CLTRN: variants seen among roughly 807,000 people sequenced by gnomAD.
The protein encoded by CLTRN is collectrin, amino acid transport regulator.
CLTRN carries 12 observed loss-of-function variants against 14.5 expected under a neutral mutation model. The ratio of observed to expected loss-of-function variants is 0.83; its 90% confidence interval spans 0.53 to 1.34. CLTRN has a LOEUF of 1.34. CLTRN is among the 40% of genes most tolerant of loss of function. CLTRN has a pLI of 0.00. For synonymous variants in CLTRN, 58 were observed against 56.5 expected (o/e 1.03, Z -0.12); for missense variants, 154 against 165.1 (o/e 0.93, Z 0.37).
At chrX:15,666,138 C>A (rs781464935), upstream of CLTRN, among the ~76,000 whole-genome samples, 1 of 111,759 alleles carries the variant, frequency 8.9e-6, no homozygotes, top group Non-Finnish European at 1.9e-5. Flanking sequence ...GAATACTATG[C>A]TTATTATCTG....
At chrX:15,653,031 A>C in intron 3 of CLTRN, among the ~76,000 whole-genome samples, 1 of 111,896 alleles carries the variant, frequency 8.9e-6, no homozygotes, top group South Asian at 3.8e-4. Flanking sequence ...CAGTGAGCCA[A>C]GATGGCGCCA....
At position 15,662,004 on chromosome X, in the gene CLTRN, C is replaced by T. The variant is rs765200433; in HGVS notation, c.117+2333G>A. On this transcript the variant is annotated intron_variant, in intron 2 of 5. Transcript: ENST00000380342. The stretch of plus-strand genomic sequence containing the variant: ...CTAACCCCACATTTTAGGTAAGTAA[C>T]TGGTATAACTAGAGACAATTACAGA... Among the ~76,000 whole-genome samples the T allele has an allele frequency of 3.6e-5, 4 of 111,477 alleles. No individual in the cohort carries two copies. The East Asian group carries it at 1.1e-3, about 31-fold the overall frequency.
intron 2 of CLTRN, among the ~76,000 whole-genome samples, chrX:15,663,975 C>A (rs751046830): frequency 1.8e-5 from 2 of 111,786 alleles, no homozygotes; most frequent in South Asian, 7.4e-4. Flanking sequence ...GGTAGAAAAT[C>A]GAGGCTAACA....
chrX:15,647,533 G>T (rs113773358), intron 3 of CLTRN, among the ~76,000 whole-genome samples: 22,074 of 69,292 alleles, frequency 0.32, 2,620 homozygotes, highest in African/African-American at 0.6. Context: ...TTCTTGGTGG[G>T]GGGGGGAGGG....
intron 3 of CLTRN, among the ~76,000 whole-genome samples, chrX:15,653,849 C>T (rs1929285641): frequency 8.9e-6 from 1 of 112,655 alleles, no homozygotes; most frequent in Non-Finnish European, 1.9e-5. Flanking sequence ...TCAGAGCAGC[C>T]AGTGGGCTGG....
chrX:15,656,409 C>G (rs937150270), intron 3 of CLTRN, among the ~76,000 whole-genome samples: 1 of 111,285 alleles, frequency 9.0e-6, no homozygotes, highest in Non-Finnish European at 1.9e-5. Flanking sequence ...ATTTTTAATT[C>G]ACGTGATTTG....
At chrX:15,641,636 C>CTGTG (rs56407617) in intron 4 of CLTRN, among the ~76,000 whole-genome samples, 8,726 of 88,356 alleles carry the variant, frequency 0.099, 630 homozygotes, top group African/African-American at 0.23. Flanking sequence ...CCACACCTGG[C>CTGTG]TGTGTGTGTG....
At position 15,672,621 on chromosome X, in the gene CLTRN, C is replaced by T. The variant is rs141685637; in HGVS notation, c.-506+2368G>A. On this transcript the variant is annotated intron_variant, in intron 1 of 6. Transcript: ENST00000650271. ...TCTCAGAATTTCTGATCCTACGTTTCGGCCAGTGATGACCCTGAACCCTCT... is the reference window on the plus strand; with the variant it reads ...TCTCAGAATTTCTGATCCTACGTTTTGGCCAGTGATGACCCTGAACCCTCT... Among the ~76,000 whole-genome samples, 148 of 111,240 alleles carry T rather than the reference C, an allele frequency of 1.3e-3. 2 individuals are homozygous for T. In the East Asian group the frequency reaches 0.034, roughly 25 times the overall value.
At chrX:15,655,374 G>A (rs1362106267) in intron 3 of CLTRN, among the ~76,000 whole-genome samples, 1 of 111,979 alleles carries the variant, frequency 8.9e-6, no homozygotes, top group African/African-American at 3.3e-5. Context: ...GGCCTTCAAG[G>A]GCCCCTCCAG....
At position 15,662,717 on chromosome X, in the gene CLTRN, C is replaced by T. The variant is rs369446004; in HGVS notation, c.117+1620G>A. On this transcript the variant is annotated intron_variant, in intron 2 of 5. Coordinates refer to ENST00000380342, the MANE Select transcript of CLTRN (RefSeq NM_020665.6). ...CACTATCTGTCTTCCAGCTCCTCCA[C>T]CCCACGAAAAGAGCTCTTTCTAAAA... is the stretch of plus-strand genomic sequence containing the variant. Among the ~76,000 whole-genome samples, 23 of 111,666 alleles carry T rather than the reference C, an allele frequency of 2.1e-4. No individual in the cohort carries two copies. The South Asian group carries it at 8.7e-3, about 42-fold the overall frequency.
At chrX:15,670,768 CA>C (rs1156481851) in intron 1 of CLTRN, among the ~76,000 whole-genome samples, 1 of 109,930 alleles carries the variant, frequency 9.1e-6, no homozygotes, top group Non-Finnish European at 1.9e-5. Flanking sequence ...AGGGATGCTG[CA>C]AAACACCCCC....
At chrX:15,653,029 C>G (rs931757504) in intron 3 of CLTRN, among the ~76,000 whole-genome samples, 2 of 110,845 alleles carry the variant, frequency 1.8e-5, no homozygotes, top group Non-Finnish European at 3.8e-5. Context: ...TGCAGTGAGC[C>G]AAGATGGCGC....
chrX:15,638,618 C>T (rs1287563558), intron 5 of CLTRN, among the ~76,000 whole-genome samples: 2 of 111,829 alleles, frequency 1.8e-5, no homozygotes, highest in Non-Finnish European at 3.8e-5. Flanking sequence ...GGAAGGTTTA[C>T]AAGCATTAAA....
intron 4 of CLTRN, among the ~76,000 whole-genome samples, chrX:15,644,536 CCTTT>C (rs1197734822): frequency 9.0e-6 from 1 of 111,226 alleles, no homozygotes. Context: ...CATGATTTTA[CCTTT>C]TTTTAAAAAA....
intron 1 of CLTRN, among the ~76,000 whole-genome samples, chrX:15,670,897 T>TAA (rs1292255220): frequency 2.2e-4 from 16 of 73,530 alleles, no homozygotes; most frequent in Non-Finnish European, 3.4e-4. Flanking sequence ...TGTGTGTGTG[T>TAA]GTGTGTGTGT....
At chrX:15,654,187 G>C (rs774847533) in intron 3 of CLTRN, among the ~76,000 whole-genome samples, 6 of 112,217 alleles carry the variant, frequency 5.3e-5, no homozygotes, top group Non-Finnish European at 9.4e-5. Context: ...CCTTACCGTG[G>C]ATACAACAGC....
At position 15,674,623 on chromosome X, in the gene CLTRN, G is replaced by A. The variant is rs143849093; in HGVS notation, c.-506+366C>T. Among the ~76,000 whole-genome samples, 477 of 112,766 alleles carry A rather than the reference G, an allele frequency of 4.2e-3. 3 individuals are homozygous for A. Among genetic ancestry groups the A allele is most frequent in the African/African-American group, 0.015 (461 of 31,059 alleles). ...ATGGAGAAAGTCACTTTTTAGGAGAGGATCAGAGATCCGCAGGCTCATTTC... is the reference window on the plus strand; with the variant it reads ...ATGGAGAAAGTCACTTTTTAGGAGAAGATCAGAGATCCGCAGGCTCATTTC... On this transcript the variant is annotated intron_variant, in intron 1 of 6. Coordinates refer to the CLTRN transcript ENST00000650271.
At position 15,639,689 on chromosome X, in the gene CLTRN, G is replaced by A. The variant is rs1368367427; in HGVS notation, c.385C>T (p.Pro129Ser). The change falls in exon 5 of 6, where the codon CCT becomes TCT. Residue 129 changes from proline (P) to serine (S), a missense_variant. Pro to Ser is a moderately conservative substitution (Grantham distance 74). Transcript: ENST00000380342. The part of the protein sequence containing the change: ...NDQTLEFLKI[P>S]STLAPPMDPS... ...TCCATGGGTGGTGCAAGTGTGGAAG[G>A]GATTTTTAAAAATTCCAGAGTTTGG... 3.3e-6 allele frequency: 4 copies of A among 1,209,300 alleles called. No homozygotes were observed. Among genetic ancestry groups the A allele is most frequent in the Admixed American group, 2.2e-5 (1 of 45,825 alleles).
At chrX:15,651,020 C>G (rs989134247) in intron 3 of CLTRN, among the ~76,000 whole-genome samples, 1 of 111,542 alleles carries the variant, frequency 9.0e-6, no homozygotes, top group Non-Finnish European at 1.9e-5. Flanking sequence ...AGAGCTAATA[C>G]CCAGGCAACA....
Sources: gnomAD v4.1 joint callset for allele counts (sites outside exome capture counted in the v4.1 genomes callset) on GRCh38, gnomAD v4.1.1 for gene constraint, MANE v1.5 for transcripts, NCBI Gene and HGNC (gene_info 2026-07-23, HGNC 2026-07-21) for gene names.